CACNA1A: variants seen among roughly 807,000 people sequenced by gnomAD.
CACNA1A encodes voltage-dependent P/Q-type calcium channel subunit alpha-1A.
Under a neutral mutation model 262.4 loss-of-function variants are expected in CACNA1A, and 57 were observed. The observed-to-expected ratio is 0.22, with a 90% CI of 0.18 to 0.27. CACNA1A has a LOEUF of 0.27. CACNA1A is among the 10% of genes least tolerant of loss of function. CACNA1A has a pLI of 1.00. For missense variants in CACNA1A, 2,526 were observed against 3,562.8 expected, an observed-to-expected ratio of 0.71 and a Z score of 7.41; for synonymous variants, 1,431 against 1,419.3, an observed-to-expected ratio of 1.01 and a Z score of -0.18.
chr19:13,358,725 C>A (rs1358381895), intron 6 of CACNA1A, among the ~76,000 whole-genome samples: 1 of 152,086 alleles, frequency 6.6e-6, no homozygotes, highest in East Asian at 1.9e-4. Flanking sequence ...AGATCTAGGG[C>A]AAGAGTACAA....
At chr19:13,444,154 G>A (rs1048263912) in intron 3 of CACNA1A, among the ~76,000 whole-genome samples, 4 of 152,136 alleles carry the variant, frequency 2.6e-5, no homozygotes, top group East Asian at 1.9e-4. Context: ...TAAAAAGATC[G>A]ATGCTCTCTC....
chr19:13,480,445 T>C (rs1233612570), intron 1 of CACNA1A, among the ~76,000 whole-genome samples: 6 of 152,340 alleles, frequency 3.9e-5, no homozygotes, highest in Admixed American at 1.3e-4. Flanking sequence ...GCATATAACA[T>C]ATAAAATCTG....
rs1033214914 is a variant in CACNA1A, at chr19:13,212,140, C to T, written c.6266G>A (p.Arg2089Gln). The T allele has an allele frequency of 3.0e-5, 48 of 1,613,488 alleles. No homozygotes were observed. Among genetic ancestry groups the T allele is most frequent in the Non-Finnish European group, 3.6e-5 (42 of 1,179,664 alleles). The change falls in exon 43 of 47, where the codon CGG becomes CAG. Residue 2089 changes from arginine to glutamine, a missense_variant. Physicochemically the swap from Arg to Gln is conservative, Grantham distance 43. Around this residue, in one of 17 missense-constraint regions of CACNA1A, gnomAD observed 929 missense variants for 868.1 expected, o/e 1.07. Transcript: ENST00000360228. The surrounding 1 kb of genome is among the most constrained non-coding windows in gnomAD (Gnocchi z 5.6). ...EHYLPMEGQGRAASMPRLPAE... is the reference protein window; with the variant it reads ...EHYLPMEGQGQAASMPRLPAE... ...AGGGAGGCGGGGCATGGAGGCAGCCCGGCCCTGGCCTTCCATGGGGAGGTA... is the reference window on the plus strand; with the variant it reads ...AGGGAGGCGGGGCATGGAGGCAGCCTGGCCCTGGCCTTCCATGGGGAGGTA...
chr19:13,270,805 G>T (rs1055088094), intron 24 of CACNA1A, among the ~76,000 whole-genome samples: 1 of 152,106 alleles, frequency 6.6e-6, no homozygotes, highest in African/African-American at 2.4e-5. Flanking sequence ...CATCCCTTCG[G>T]CCATGATATA....
intron 1 of CACNA1A, among the ~76,000 whole-genome samples, chr19:13,459,809 G>C (rs934289726): frequency 7.2e-5 from 11 of 152,128 alleles, no homozygotes; most frequent in African/African-American, 2.7e-4. Flanking sequence ...GACCGGCTCT[G>C]GCACTGAAGG....
chr19:13,489,165 C>T (rs1980451380), intron 1 of CACNA1A, among the ~76,000 whole-genome samples: 1 of 151,592 alleles, frequency 6.6e-6, no homozygotes, highest in Non-Finnish European at 1.5e-5. Flanking sequence ...GTGTGCACCA[C>T]CATGCCCAGC....
intron 24 of CACNA1A, 137 bp from the exon 25 acceptor site, chr19:13,262,970 C>A: frequency 1.5e-6 from 1 of 680,564 alleles, no homozygotes; most frequent in Non-Finnish European, 2.7e-6. Context: ...CAGCCCTGCC[C>A]TTCCTGGTGA....
At chr19:13,489,857 C>T (rs1467905483) in intron 1 of CACNA1A, among the ~76,000 whole-genome samples, 2 of 152,182 alleles carry the variant, frequency 1.3e-5, no homozygotes, top group Non-Finnish European at 2.9e-5. Flanking sequence ...CCTCCTATCT[C>T]AGTTTCTCAG....
At chr19:13,246,156 A>G (rs2056229660) in intron 30 of CACNA1A, among the ~76,000 whole-genome samples, 1 of 152,198 alleles carries the variant, frequency 6.6e-6, no homozygotes, top group Non-Finnish European at 1.5e-5. Context: ...CTGCTACCAC[A>G]GCTGTGTGGC....
chr19:13,319,323 T>C (rs1442799695), intron 10 of CACNA1A, among the ~76,000 whole-genome samples: 2 of 152,256 alleles, frequency 1.3e-5, no homozygotes, highest in African/African-American at 4.8e-5. Context: ...ATTCATTCTT[T>C]CATCATTCTT....
At chr19:13,479,548 G>A (rs1356515627) in intron 1 of CACNA1A, among the ~76,000 whole-genome samples, 2 of 152,218 alleles carry the variant, frequency 1.3e-5, no homozygotes, top group Non-Finnish European at 2.9e-5. Flanking sequence ...TTTCTCCCAA[G>A]GCAGAGAAAA....
chr19:13,216,866 T>C (rs1292512385), intron 38 of CACNA1A, among the ~76,000 whole-genome samples: 1 of 152,154 alleles, frequency 6.6e-6, no homozygotes, highest in Non-Finnish European at 1.5e-5. Flanking sequence ...TTTAATATGC[T>C]AATTGGTTCA....
rs543980031 is a variant in CACNA1A at position 13,236,766 on chromosome 19, A to C, written c.4951-1036T>G. On this transcript the variant is annotated intron_variant, in intron 31 of 46. Coordinates refer to ENST00000360228, the MANE Select transcript of CACNA1A (RefSeq NM_001127222.2). The surrounding 1 kb of genome is among the most constrained non-coding windows in gnomAD (Gnocchi z 4.6). ...TGGGTGGCCACTGCCTCTGCTCAAAAACCCCCTGTCTAGTCACTGCCTCTG... is the reference window on the plus strand; with the variant it reads ...TGGGTGGCCACTGCCTCTGCTCAAACACCCCCTGTCTAGTCACTGCCTCTG... 2.6e-5 allele frequency: 4 copies of C among 152,040 alleles called. No homozygotes were observed. Among genetic ancestry groups the C allele is most frequent in the African/African-American group, 9.7e-5 (4 of 41,354 alleles). 9.4% of individuals were successfully genotyped at this position (152,040 alleles called of 1,614,324 possible). A position where few individuals can be genotyped will look rare whatever the true frequency, so the allele number is the denominator to read the frequency against.
chr19:13,207,704 C>T lies in CACNA1A; in HGVS notation c.7130G>A (p.Ser2377Asn). The T allele has an allele frequency of 7.3e-7, 1 of 1,369,256 alleles. No homozygotes were observed. The highest frequency in any genetic ancestry group is 9.4e-7 in the Non-Finnish European group (1 of 1,064,242). The allele number at this position is 1,369,256 out of a possible 1,614,324, so 84.8% of individuals were successfully genotyped here. Residue 2377 changes from serine to asparagine, a missense_variant, in exon 47 of 47, where the codon AGC becomes AAC. Ser to Asn is a conservative substitution (Grantham distance 46, BLOSUM62 1). Coordinates refer to ENST00000360228, the MANE Select transcript of CACNA1A (RefSeq NM_001127222.2). This position sits in a 1 kb window ranked among gnomAD's most constrained non-coding sequence, Gnocchi z 5.7. ...MERRVPGPAR[S>N]ESPRACRHGG... ...GTGTCGACAGGCCCTGGGGGACTCGCTCCGGGCCGGGCCTGGGACCCGCCT... is the reference window on the plus strand; with the variant it reads ...GTGTCGACAGGCCCTGGGGGACTCGTTCCGGGCCGGGCCTGGGACCCGCCT...
chr19:13,434,561 T>C (rs1227035963), intron 3 of CACNA1A, among the ~76,000 whole-genome samples: 2 of 151,964 alleles, frequency 1.3e-5, no homozygotes, highest in Non-Finnish European at 2.9e-5. Flanking sequence ...TCTTGTGAGA[T>C]TGGACATTTA....
intron 3 of CACNA1A, among the ~76,000 whole-genome samples, chr19:13,420,734 G>T (rs1436136200): frequency 2.6e-5 from 4 of 152,120 alleles, no homozygotes; most frequent in Non-Finnish European, 5.9e-5. Flanking sequence ...TGTTATAACA[G>T]CCCTAGAAAG....
intron 31 of CACNA1A, 150 bp downstream of exon 31, chr19:13,245,031 GC>G (rs2056189359): frequency 1.5e-6 from 1 of 659,102 alleles, no homozygotes; most frequent in Non-Finnish European, 2.7e-6. Context: ...TGTCCCCGGG[GC>G]CCCAGTTCTC....
rs2058575761 is a variant in CACNA1A at position 13,336,599 on chromosome 19, GAGAGAGAGAGAGAGA to G, written c.979-705_979-691del. On this transcript the variant is annotated intron_variant, in intron 6 of 46. Transcript: ENST00000360228. Reference sequence around the variant, plus strand: ...AGAGAGACAGAGAGAGAGAGGGAGAGAGAGAGAGAGAGAGAGAGAGAGAGAGAGAGAGAGAGAGAG... The same window carrying G: ...AGAGAGACAGAGAGAGAGAGGGAGAGGAGAGAGAGAGAGAGAGAGAGAGAG... Among the ~76,000 whole-genome samples the G allele has an allele frequency of 1.1e-3, 134 of 121,650 alleles. 2 individuals carry two copies. Among genetic ancestry groups the G allele is most frequent in the African/African-American group, 4.1e-3 (119 of 29,078 alleles). 79.8% of individuals were successfully genotyped at this position (121,650 alleles called of 152,430 possible).
Position 13,371,744 on chromosome 19 carries a change from C to T in CACNA1A, c.575G>A (p.Arg192Gln), listed in dbSNP as rs121908211. The change falls in exon 4 of 47, where the codon CGG becomes CAG. Residue 192 changes from arginine (R) to glutamine (Q), a missense_variant. Transcript: ENST00000360228. ...LATVGTEFDL[R>Q]TLRAVRVLRP... ...CAGCACTCGAACTGCCCTCAGCGTCCGTAGGTCAAACTCCGTCCCAACTGT... is the reference window on the plus strand; with the variant it reads ...CAGCACTCGAACTGCCCTCAGCGTCTGTAGGTCAAACTCCGTCCCAACTGT... 6.3e-7 allele frequency: 1 copy of T among 1,579,988 alleles called. No homozygotes were observed. Among genetic ancestry groups the T allele is most frequent in the Non-Finnish European group, 8.6e-7 (1 of 1,163,224 alleles).
Sources: gnomAD v4.1 joint callset for allele counts (sites outside exome capture counted in the v4.1 genomes callset) on GRCh38, gnomAD v4.1.1 for gene constraint, gnomAD v4.1.1 regional missense constraint, Gnocchi (gnomAD v3.1) non-coding constraint, MANE v1.5 for transcripts, NCBI Gene and HGNC (gene_info 2026-07-23, HGNC 2026-07-21) for gene names.